Variants in IL18R1 observed in about 807,000 individuals in gnomAD.
IL18R1 encodes the protein interleukin 18 receptor 1.
IL18R1 carries 40 observed loss-of-function variants against 48.5 expected under a neutral mutation model. That is an observed-to-expected ratio of 0.82 (90% CI 0.64 to 1.07). The LOEUF (loss-of-function observed/expected upper bound fraction) is 1.07. Ranked by LOEUF, IL18R1 falls within the 50% of genes least tolerant of loss-of-function variation. The pLI is 0.00. For synonymous variants in IL18R1, 232 were observed against 225.9 expected, an observed-to-expected ratio of 1.03 and a Z score of -0.24; for missense variants, 596 against 633.7, an observed-to-expected ratio of 0.94 and a Z score of 0.64.
chr2:102,362,202 A>T (rs945651213), intron 1 of IL18R1, among the ~76,000 whole-genome samples: 19 of 152,002 alleles, frequency 1.2e-4, no homozygotes, highest in African/African-American at 4.6e-4. Context: ...AGATCTCATT[A>T]CAATTCAGGA....
intron 10 of IL18R1, 60 bp from the exon 11 acceptor site, chr2:102,396,471 T>C: frequency 3.9e-6 from 4 of 1,012,774 alleles, no homozygotes; most frequent in Non-Finnish European, 5.9e-6. Context: ...AAAATGACTT[T>C]TATCTCATGT....
chr2:102,365,230 T>A (rs1260100191), intron 2 of IL18R1, among the ~76,000 whole-genome samples: 1 of 152,216 alleles, frequency 6.6e-6, no homozygotes, highest in Non-Finnish European at 1.5e-5. Context: ...ATTTAGTTAC[T>A]TCCTAGATAC....
chr2:102,369,186 GCC>G (rs3836110), intron 3 of IL18R1, among the ~76,000 whole-genome samples: 7 of 151,798 alleles, frequency 4.6e-5, no homozygotes, highest in Admixed American at 3.3e-4. Context: ...AACAAACACC[GCC>G]CCCCCCACCA....
At chr2:102,357,957 G>T (rs12998521) in intron 1 of IL18R1, among the ~76,000 whole-genome samples, 48,003 of 151,682 alleles carry the variant, frequency 0.32, 8,376 homozygotes, top group Middle Eastern at 0.53. Context: ...CATCTCACAG[G>T]CTGAGTAAAA....
Position 102,367,829 on chromosome 2 carries a change from T to G in IL18R1, c.63T>G (p.Ser21=). Residue 21 remains serine, a synonymous_variant, in exon 3 of 11, where the codon TCT becomes TCG. Coordinates refer to ENST00000233957, the MANE Select transcript of IL18R1 (RefSeq NM_003855.5). ...WVLISVSTAE[S]CTSRPHITVV... ...TACTTTACTAATCTTTTGAAGAATC[T>G]TGTACTTCACGTCCCCACATTACTG... The G allele has an allele frequency of 1.2e-6, 2 of 1,612,444 alleles. No homozygotes were observed. Among genetic ancestry groups the G allele is most frequent in the East Asian group, 2.2e-5 (1 of 44,860 alleles).
At chr2:102,357,301 C>T (rs1181276531) in intron 1 of IL18R1, among the ~76,000 whole-genome samples, 2 of 151,968 alleles carry the variant, frequency 1.3e-5, no homozygotes, top group Non-Finnish European at 2.9e-5. Context: ...ACCATCCTGG[C>T]TAACATGGTG....
Position 102,372,052 on chromosome 2 carries a change from A to G in IL18R1, c.402A>G (p.Lys134=), listed in dbSNP as rs754016574. 9 of 1,609,590 alleles carry G rather than the reference A, an allele frequency of 5.6e-6. No homozygotes were observed. Among genetic ancestry groups the G allele is most frequent in the South Asian group, 1.1e-5 (1 of 89,884 alleles). Residue 134 remains lysine, a synonymous_variant, in exon 4 of 11, where the codon AAA becomes AAG. Transcript: ENST00000233957. ...CTAGTAAAATTGTGGAAGTTAAAAAATTTTTTCAGATAACCTGTGAAAACA... is the reference window on the plus strand; with the variant it reads ...CTAGTAAAATTGTGGAAGTTAAAAAGTTTTTTCAGATAACCTGTGAAAACA... ...QVTSKIVEVK[K]FFQITCENSY... is the part of the protein sequence containing the mutation.
chr2:102,397,099 C>T lies in IL18R1; in HGVS notation c.*213C>T. 2.1e-6 allele frequency: 1 copy of T among 484,098 alleles called. No homozygotes were observed. The highest frequency in any genetic ancestry group is 3.3e-5 in the East Asian group (1 of 30,684). 30.0% of individuals were successfully genotyped at this position (484,098 alleles called of 1,614,324 possible). A position where few individuals can be genotyped will look rare whatever the true frequency, so the allele number is the denominator to read the frequency against. On this transcript the variant is annotated 3_prime_UTR_variant, in exon 11 of 11. Transcript: ENST00000233957. ...ACGTGCTCCCAGAAGACCTGGAATT[C>T]AAAAGAAATGGAGCTATTCTTTTTC...
chr2:102,360,250 A>T (rs1224246656), intron 1 of IL18R1, among the ~76,000 whole-genome samples: 1 of 152,160 alleles, frequency 6.6e-6, no homozygotes, highest in African/African-American at 2.4e-5. Context: ...GAAATGCAGG[A>T]TATGCAATCT....
In IL18R1 at chr2:102,397,465, C is replaced by G. The variant is rs1680882967; in HGVS notation, c.*579C>G. The G allele has an allele frequency of 6.6e-6, 1 of 152,404 alleles. No homozygotes were observed. The highest frequency in any genetic ancestry group is 6.5e-5 in the Admixed American group (1 of 15,288). The allele number at this position is 152,404 out of a possible 1,614,324, so 9.4% of individuals were successfully genotyped here. On this transcript the variant is annotated 3_prime_UTR_variant, in exon 11 of 11. Coordinates refer to ENST00000233957, the MANE Select transcript of IL18R1 (RefSeq NM_003855.5). Reference sequence around the variant, plus strand: ...AATGTATCCTGGCCACAGTTGCAGCCAACGGTTCTTGAAAGCTCGGTAAGG... The same window carrying G: ...AATGTATCCTGGCCACAGTTGCAGCGAACGGTTCTTGAAAGCTCGGTAAGG...
chr2:102,360,851 G>T (rs575104060), intron 1 of IL18R1, among the ~76,000 whole-genome samples: 1 of 152,192 alleles, frequency 6.6e-6, no homozygotes, highest in South Asian at 2.1e-4. Context: ...ACTTGCTAGA[G>T]TATCTGTTAC....
At chr2:102,388,666 A>T (rs1680385193) in intron 8 of IL18R1, among the ~76,000 whole-genome samples, 1 of 152,108 alleles carries the variant, frequency 6.6e-6, no homozygotes, top group African/African-American at 2.4e-5. Context: ...GTAGGTTTAG[A>T]AATTGGGGCT....
intron 5 of IL18R1, among the ~76,000 whole-genome samples, chr2:102,380,098 C>T (rs1221288974): frequency 1.3e-5 from 2 of 152,152 alleles, no homozygotes; most frequent in South Asian, 4.1e-4. Context: ...GATCGGGTGG[C>T]GTCTCCTCCT....
Position 102,390,227 on chromosome 2 carries a change from A to C in IL18R1, c.1111+10A>C, listed in dbSNP as rs1283384119. 6.2e-7 allele frequency: 1 copy of C among 1,610,854 alleles called. No individual in the cohort carries two copies. The highest frequency in any genetic ancestry group is 8.5e-7 in the Non-Finnish European group (1 of 1,177,144). On this transcript the variant is annotated intron_variant, in intron 9 of 10. Coordinates refer to ENST00000233957, the MANE Select transcript of IL18R1 (RefSeq NM_003855.5). ...GATGAAACATTAACAGGTAACACAT[A>C]TAATGCTGGAATTTCTTACCTTATG... is the stretch of plus-strand genomic sequence containing the variant.
chr2:102,386,776 T>G (rs1680253499), intron 7 of IL18R1, 85 bp from the exon 8 acceptor site: 4 of 1,352,402 alleles, frequency 3.0e-6, no homozygotes, highest in Non-Finnish European at 4.2e-6. Context: ...ACATCACAGC[T>G]GCCTTCAAGC....
chr2:102,367,475 G>A lies in IL18R1; in HGVS notation c.59-350G>A, dbSNP rs11465593. 7.5e-3 allele frequency among the ~76,000 whole-genome samples: 1,144 copies of A among 152,210 alleles called. 19 individuals carry two copies. Among genetic ancestry groups the A allele is most frequent in the African/African-American group, 0.026 (1,097 of 41,532 alleles). On this transcript the variant is annotated intron_variant, in intron 2 of 10. Coordinates refer to ENST00000233957, the MANE Select transcript of IL18R1 (RefSeq NM_003855.5). ...ATTTTGAGGTAGGTATGGCAGCACC[G>A]TGACTTCTGTGGCTTTCCCTATGAA... is the stretch of plus-strand genomic sequence containing the variant.
chr2:102,397,499 C>G lies in IL18R1; in HGVS notation c.*613C>G, dbSNP rs543523386. 6.6e-6 allele frequency: 1 copy of G among 152,348 alleles called. No homozygotes were observed. The highest frequency in any genetic ancestry group is 1.5e-5 in the Non-Finnish European group (1 of 68,060). The allele number at this position is 152,348 out of a possible 1,614,324, so 9.4% of individuals were successfully genotyped here. On this transcript the variant is annotated 3_prime_UTR_variant, in exon 11 of 11. Transcript: ENST00000233957. Reference sequence around the variant, plus strand: ...TTGAAAGCTCGGTAAGGCCCTGCAACGCAGAGCCTGCTTATGTGGATCTAT... The same window carrying G: ...TTGAAAGCTCGGTAAGGCCCTGCAAGGCAGAGCCTGCTTATGTGGATCTAT...
At chr2:102,361,484 G>T (rs1000396214) in intron 1 of IL18R1, among the ~76,000 whole-genome samples, 1 of 152,230 alleles carries the variant, frequency 6.6e-6, no homozygotes, top group Non-Finnish European at 1.5e-5. Flanking sequence ...ATGAGTAGTT[G>T]TTGGTGAGAG....
intron 2 of IL18R1, among the ~76,000 whole-genome samples, chr2:102,363,299 C>T (rs2105033292): frequency 6.6e-6 from 1 of 151,792 alleles, no homozygotes; most frequent in East Asian, 1.9e-4. Context: ...AAAGTGGGAG[C>T]ACAAATATTA....
Sources: allele counts gnomAD v4.1 joint callset (sites outside exome capture counted in the v4.1 genomes callset), GRCh38; gene constraint gnomAD v4.1.1; transcripts MANE v1.5; gene names NCBI Gene and HGNC (gene_info 2026-07-23, HGNC 2026-07-21).